Variants in ADAMTS12 observed in about 807,000 individuals in gnomAD.
ADAMTS12 encodes the protein ADAM metallopeptidase with thrombospondin type 1 motif 12, also known as A disintegrin and metalloproteinase with thrombospondin motifs 12.
Under a neutral mutation model 167.8 loss-of-function variants are expected in ADAMTS12, and 118 were observed. The ratio of observed to expected loss-of-function variants is 0.70; its 90% CI spans 0.61 to 0.82. The LOEUF is 0.82. Ranked by LOEUF, ADAMTS12 falls within the 40% of genes least tolerant of loss-of-function variation. The pLI, the probability that ADAMTS12 is intolerant of heterozygous loss-of-function variation, is 0.00. For missense variants in ADAMTS12, 1,916 were observed against 1,998.8 expected, an observed-to-expected ratio of 0.96 and a Z score of 0.79; for synonymous variants, 704 against 716.9, an observed-to-expected ratio of 0.98 and a Z score of 0.29.
chr5:33,665,582 G>A (rs1741436606), intron 5 of ADAMTS12, among the ~76,000 whole-genome samples: 1 of 152,100 alleles, frequency 6.6e-6, no homozygotes. Flanking sequence ...CTAAACCAAA[G>A]CCAAAGCCAT....
intron 2 of ADAMTS12, among the ~76,000 whole-genome samples, chr5:33,849,197 A>T (rs1749087064): frequency 1.6e-5 from 1 of 64,444 alleles, no homozygotes; most frequent in African/African-American, 9.0e-5. Context: ...ATTGCATAGC[A>T]ATATATATAT....
At chr5:33,653,880 C>T (rs1740950676) in intron 7 of ADAMTS12, among the ~76,000 whole-genome samples, 1 of 152,170 alleles carries the variant, frequency 6.6e-6, no homozygotes, top group South Asian at 2.1e-4. Flanking sequence ...CATTTGTTCT[C>T]TGAGCACTTT....
rs1219588438 is a variant in ADAMTS12 at position 33,733,448 on chromosome 5, AACAGCCTCTAATCATAAG to A, written c.634+17938_634+17955del. 2.6e-5 allele frequency among the ~76,000 whole-genome samples: 4 copies of A among 152,220 alleles called. No homozygotes were observed. The East Asian group carries it at 7.7e-4, about 29-fold the overall frequency. On this transcript the variant is annotated intron_variant, in intron 3 of 23. Transcript: ENST00000504830. Reference sequence around the variant, plus strand: ...TTCTCATCTGTGAAATGGGGATAATAACAGCCTCTAATCATAAGACAGCCACGAATCTTAAGTAAGAGA... The same window carrying A: ...TTCTCATCTGTGAAATGGGGATAATAACAGCCACGAATCTTAAGTAAGAGA...
intron 2 of ADAMTS12, among the ~76,000 whole-genome samples, chr5:33,782,840 A>G (rs1010824961): frequency 6.6e-6 from 1 of 152,096 alleles, no homozygotes; most frequent in African/African-American, 2.4e-5. Context: ...ATTGCTTCAT[A>G]TCTCAATATC....
At chr5:33,615,208 G>A (rs186860226) in intron 15 of ADAMTS12, among the ~76,000 whole-genome samples, 2 of 152,262 alleles carry the variant, frequency 1.3e-5, no homozygotes, top group East Asian at 1.9e-4. Context: ...CAACTGCCAC[G>A]CTTGACCTTC....
intron 19 of ADAMTS12, among the ~76,000 whole-genome samples, chr5:33,571,387 A>G (rs1746336778): frequency 6.6e-6 from 1 of 152,142 alleles, no homozygotes; most frequent in African/African-American, 2.4e-5. Flanking sequence ...AGAAATTATA[A>G]CAAACTGTCT....
intron 7 of ADAMTS12, among the ~76,000 whole-genome samples, chr5:33,654,602 T>C (rs1323940129): frequency 6.6e-6 from 1 of 152,180 alleles, no homozygotes; most frequent in Non-Finnish European, 1.5e-5. Context: ...GGAGCCCTCA[T>C]TACTGGCCTG....
chr5:33,577,301 GCT>G, intron 18 of ADAMTS12, 141 bp from the exon 19 acceptor site: 1 of 1,227,134 alleles, frequency 8.1e-7, no homozygotes. Context: ...TGGTTTCTGT[GCT>G]CTTTCAGTTT....
At position 33,779,795 on chromosome 5, in the gene ADAMTS12, G is replaced by C. The variant is rs139504520; in HGVS notation, c.490-28247C>G. ...TGAACTTATAGGAGAGAGCAGGATGGTTGTCACCAAAGGCTGGAGGATGAG... is the reference window on the plus strand; with the variant it reads ...TGAACTTATAGGAGAGAGCAGGATGCTTGTCACCAAAGGCTGGAGGATGAG... On this transcript the variant is annotated intron_variant, in intron 2 of 23. Transcript: ENST00000504830. Among the ~76,000 whole-genome samples, 315 of 152,262 alleles carry C rather than the reference G, an allele frequency of 2.1e-3. 2 individuals are homozygous for C. Among genetic ancestry groups the C allele is most frequent in the Admixed American group, 0.018 (273 of 15,292 alleles).
intron 12 of ADAMTS12, among the ~76,000 whole-genome samples, chr5:33,634,264 G>A (rs572232901): frequency 1.6e-4 from 24 of 152,222 alleles, no homozygotes; most frequent in East Asian, 7.7e-4. Context: ...GCAGGGCTTC[G>A]TGGGCATTAG....
rs1051597033 is a variant in ADAMTS12, at chr5:33,809,279, G to A, written c.490-57731C>T. On this transcript the variant is annotated intron_variant, in intron 2 of 23. Transcript: ENST00000504830. Reference sequence around the variant, plus strand: ...GGTGATTCTGGTGCTGCCGGTCCTTGGACCACAGTTTGAGTAGCAAGAGTT... The same window carrying A: ...GGTGATTCTGGTGCTGCCGGTCCTTAGACCACAGTTTGAGTAGCAAGAGTT... Among the ~76,000 whole-genome samples the A allele has an allele frequency of 5.3e-5, 8 of 152,176 alleles. No homozygotes were observed. In the East Asian group the frequency reaches 1.5e-3, roughly 29 times the overall value.
At chr5:33,670,222 A>G (rs1337138583) in intron 5 of ADAMTS12, among the ~76,000 whole-genome samples, 1 of 152,210 alleles carries the variant, frequency 6.6e-6, no homozygotes, top group Non-Finnish European at 1.5e-5. Context: ...ATATACAGAT[A>G]GCAAATAAGC....
In ADAMTS12 at chr5:33,762,521, T is replaced by C. The variant is rs139897750; in HGVS notation, c.490-10973A>G. Among the ~76,000 whole-genome samples, 593 of 149,474 alleles carry C rather than the reference T, an allele frequency of 4.0e-3. 6 individuals are homozygous for C. The highest frequency in any genetic ancestry group is 0.014 in the African/African-American group (574 of 40,488). ...AGACTCCACCTCAAAAAAAAATAAA[T>C]AAATAAATAAAGGAAAGAAAGAAAG... On this transcript the variant is annotated intron_variant, in intron 2 of 23. Coordinates refer to ENST00000504830, the MANE Select transcript of ADAMTS12 (RefSeq NM_030955.4).
chr5:33,815,840 A>G (rs1489661539), intron 2 of ADAMTS12, among the ~76,000 whole-genome samples: 1 of 152,198 alleles, frequency 6.6e-6, no homozygotes, highest in Non-Finnish European at 1.5e-5. Flanking sequence ...GATGATATTA[A>G]TGGAGACCCT....
intron 1 of ADAMTS12, among the ~76,000 whole-genome samples, chr5:33,889,412 G>A (rs981427934): frequency 3.9e-5 from 6 of 152,188 alleles, no homozygotes; most frequent in Non-Finnish European, 8.8e-5. Context: ...GAAGTCTAAG[G>A]AGATTGGTTA....
intron 2 of ADAMTS12, among the ~76,000 whole-genome samples, chr5:33,762,741 T>C (rs1373749590): frequency 6.6e-6 from 1 of 152,102 alleles, no homozygotes; most frequent in East Asian, 1.9e-4. Flanking sequence ...TACTTTACCA[T>C]TTTTACCTAT....
intron 7 of ADAMTS12, among the ~76,000 whole-genome samples, chr5:33,652,103 T>C (rs1261089389): frequency 6.6e-6 from 1 of 152,166 alleles, no homozygotes; most frequent in Admixed American, 6.6e-5. Flanking sequence ...TGCAGGTATC[T>C]TTTTTACACA....
chr5:33,869,599 T>C (rs1749960287), intron 2 of ADAMTS12, among the ~76,000 whole-genome samples: 1 of 152,060 alleles, frequency 6.6e-6, no homozygotes, highest in African/African-American at 2.4e-5. Flanking sequence ...AACCAGTAAG[T>C]TTTTATTAGC....
At chr5:33,863,871 A>T (rs1749714320) in intron 2 of ADAMTS12, among the ~76,000 whole-genome samples, 1 of 152,214 alleles carries the variant, frequency 6.6e-6, no homozygotes, top group Non-Finnish European at 1.5e-5. Context: ...ACACCAATGG[A>T]ATGGAACAGA....
Sources: gnomAD v4.1 joint callset for allele counts (sites outside exome capture counted in the v4.1 genomes callset) on GRCh38, gnomAD v4.1.1 for gene constraint, MANE v1.5 for transcripts, NCBI Gene and HGNC (gene_info 2026-07-23, HGNC 2026-07-21) for gene names.